Variants in MYO1C observed in about 807,000 individuals in gnomAD.
MYO1C encodes unconventional myosin-Ic.
MYO1C carries 104 observed loss-of-function variants against 150.8 expected under a neutral mutation model. That is an observed-to-expected ratio of 0.69 (90% CI 0.59 to 0.81). The LOEUF (loss-of-function observed/expected upper bound fraction) is 0.81. MYO1C is among the 30% of genes least tolerant of loss of function. The pLI, the probability that MYO1C is intolerant of heterozygous loss-of-function variation, is 0.00. For missense variants in MYO1C, 1,504 were observed against 1,435.0 expected (o/e 1.05, Z -0.78); for synonymous variants, 663 against 579.9 (o/e 1.14, Z -2.06).
At chr17:1,486,499 C>T (rs1417655854) in intron 1 of MYO1C, among the ~76,000 whole-genome samples, 3 of 149,944 alleles carry the variant, frequency 2.0e-5, no homozygotes, top group Non-Finnish European at 4.4e-5. Flanking sequence ...GCCCGGACCT[C>T]CTCCCTCCCT....
rs533955734 is a variant in MYO1C at position 1,485,807 on chromosome 17, C to G, written c.76-1504G>C. 1,791 of 672,606 alleles carry G rather than the reference C, an allele frequency of 2.7e-3. 102 individuals are homozygous for G. In the Admixed American group the frequency reaches 0.093, roughly 35 times the overall value. The allele number at this position is 672,606 out of a possible 1,614,324, so 41.7% of individuals were successfully genotyped here. A position where few individuals can be genotyped will look rare whatever the true frequency, so the allele number is the denominator to read the frequency against. Reference sequence around the variant, plus strand: ...GGCGTCAGCGAGGGAGGGCCCGCCCCCCGCACCGCCCCCACCCGGGCCCCT... The same window carrying G: ...GGCGTCAGCGAGGGAGGGCCCGCCCGCCGCACCGCCCCCACCCGGGCCCCT... On this transcript the variant is annotated intron_variant, in intron 1 of 31. Transcript: ENST00000648651.
At chr17:1,481,985 T>C (rs11078461) in intron 5 of MYO1C, among the ~76,000 whole-genome samples, 63,287 of 151,930 alleles carry the variant, frequency 0.42, 13,417 homozygotes, top group Middle Eastern at 0.46. Context: ...TTGTCCTGGC[T>C]GTTCCGTTCC....
At chr17:1,470,569 C>G in intron 22 of MYO1C, 50 bp from the exon 23 acceptor site, 2 of 1,566,740 alleles carry the variant, frequency 1.3e-6, no homozygotes, top group East Asian at 2.3e-5. Flanking sequence ...ACCATGGTGG[C>G]CCCCCCTGGC....
chr17:1,469,248 C>T (rs563931734), intron 25 of MYO1C: 6 of 466,002 alleles, frequency 1.3e-5, no homozygotes, highest in African/African-American at 7.9e-5. Flanking sequence ...ATACTATAGA[C>T]GGGGTAAATA....
At chr17:1,477,217 C>A (rs1462795365) in intron 14 of MYO1C, 6 of 292,324 alleles carry the variant, frequency 2.1e-5, no homozygotes, top group African/African-American at 4.6e-5. Flanking sequence ...TCGCTCTTGT[C>A]ACCCAGGCTG....
At position 1,484,255 on chromosome 17, in the gene MYO1C, C is replaced by T. The variant is rs1256892376; in HGVS notation, c.124G>A (p.Ala42Thr). 11 of 1,612,258 alleles carry T rather than the reference C, an allele frequency of 6.8e-6. No individual in the cohort carries two copies. Among genetic ancestry groups the T allele is most frequent in the Admixed American group, 1.7e-5 (1 of 60,004 alleles). The change falls in exon 2 of 32, where the codon GCC becomes ACC. Residue 42 changes from alanine (A) to threonine (T), a missense_variant. By Grantham distance (58) the Ala-to-Thr change is moderately conservative. Transcript: ENST00000648651. ...VRVTMESALT[A>T]RDRVGVQDFV... is the part of the protein sequence containing the mutation. ...TCCTGCACCCCCACCCGGTCACGGG[C>T]GGTGAGCGCACTCTCCATGGTCACC...
At position 1,469,353 on chromosome 17, in the gene MYO1C, G is replaced by T. The variant is rs1413482237; in HGVS notation, c.2610+178C>A. ...TAAATACGGTAGGCGGGGTAAATAC[G>T]GTAGACTGGGGTAAATAGAGTAGAC... is the stretch of plus-strand genomic sequence containing the variant. On this transcript the variant is annotated intron_variant, in intron 25 of 31. Transcript: ENST00000648651. 1.4e-5 allele frequency: 9 copies of T among 652,314 alleles called. No individual in the cohort carries two copies. In the South Asian group the frequency reaches 1.5e-4, roughly 11 times the overall value. 40.4% of individuals were successfully genotyped at this position (652,314 alleles called of 1,614,324 possible).
intron 1 of MYO1C, chr17:1,485,152 C>CTGGAGGG: frequency 8.3e-7 from 1 of 1,202,528 alleles, no homozygotes. Flanking sequence ...CTGGGTCCTA[C>CTGGAGGG]TGGAGGGTGG....
At chr17:1,481,033 C>G in intron 5 of MYO1C, 148 bp from the exon 6 acceptor site, 1 of 760,290 alleles carries the variant, frequency 1.3e-6, no homozygotes, top group South Asian at 1.7e-5. Context: ...CTCAGGCACG[C>G]CACCCACGCT....
intron 14 of MYO1C, 78 bp from the exon 15 acceptor site, chr17:1,475,110 G>C: frequency 7.0e-7 from 1 of 1,430,524 alleles, no homozygotes; most frequent in Non-Finnish European, 9.6e-7. Flanking sequence ...GGCCTCAGGA[G>C]CAGGAACCAG....
rs774045912 is a variant in MYO1C, at chr17:1,482,583, G to A, written c.547-25C>T. ...CCTAGGAGTGGACAGGGGTATGAGG[G>A]ACACCTGGCACTCTCCCCCTGCCCT... On this transcript the variant is annotated intron_variant, in intron 4 of 31. Coordinates refer to ENST00000648651, the MANE Select transcript of MYO1C (RefSeq NM_001080779.2). 5.0e-6 allele frequency: 8 copies of A among 1,598,228 alleles called. No homozygotes were observed. The African/African-American group carries it at 8.1e-5, about 16-fold the overall frequency.
chr17:1,477,242 G>T, intron 14 of MYO1C: 4 of 433,258 alleles, frequency 9.2e-6, no homozygotes, highest in Non-Finnish European at 1.7e-5. Context: ...GCAGTGGGTT[G>T]ATCCTAGCTC....
intron 23 of MYO1C, 48 bp downstream of exon 23, chr17:1,470,387 C>A (rs375426886): frequency 1.3e-6 from 2 of 1,542,166 alleles, no homozygotes; most frequent in South Asian, 1.2e-5. Context: ...CGGTGAACCA[C>A]CCCCCACGCC....
At chr17:1,489,044 G>C (rs943884486) in intron 1 of MYO1C, among the ~76,000 whole-genome samples, 1 of 152,206 alleles carries the variant, frequency 6.6e-6, no homozygotes, top group African/African-American at 2.4e-5. Flanking sequence ...GGGGCTGGGA[G>C]GAGGTGTCAT....
intron 2 of MYO1C, 144 bp from the exon 3 acceptor site, chr17:1,483,869 T>C (rs1309863166): frequency 5.5e-6 from 4 of 731,612 alleles, no homozygotes; most frequent in Non-Finnish European, 9.2e-6. Flanking sequence ...CATGGAGAAA[T>C]CCGTCTCTAC....
Position 1,472,786 on chromosome 17 carries a change from G to A in MYO1C, c.1798-558C>T, listed in dbSNP as rs531304609. On this transcript the variant is annotated intron_variant, in intron 17 of 31. Transcript: ENST00000648651. ...CGTCTTCTGGAAATGACGCTCTGCT[G>A]AGCTTTAAAGGATAAGGAGGAGGGG... Among the ~76,000 whole-genome samples the A allele has an allele frequency of 4.3e-4, 65 of 149,848 alleles. 1 individual carries two copies. Among genetic ancestry groups the A allele is most frequent in the African/African-American group, 1.6e-3 (64 of 39,222 alleles).
At chr17:1,470,868 G>C in intron 21 of MYO1C, 179 bp from the exon 22 acceptor site, 1 of 899,998 alleles carries the variant, frequency 1.1e-6, no homozygotes, top group Admixed American at 2.0e-5. Flanking sequence ...GCGGCGGGTG[G>C]GATGGTGGGC....
Position 1,478,790 on chromosome 17 carries a change from C to T in MYO1C, c.1093-55G>A. 1 of 1,607,554 alleles carries T rather than the reference C, an allele frequency of 6.2e-7. No homozygotes were observed. Among genetic ancestry groups the T allele is most frequent in the Non-Finnish European group, 8.5e-7 (1 of 1,179,812 alleles). On this transcript the variant is annotated intron_variant, in intron 9 of 31. Coordinates refer to ENST00000648651, the MANE Select transcript of MYO1C (RefSeq NM_001080779.2). The surrounding 1 kb of genome is among the most constrained non-coding windows in gnomAD (Gnocchi z 6.3). ...AATGCCACAGAGCCTGTGCATCCCACCTGCTCCCAGGCTCAGGCAGACCAG... is the reference window on the plus strand; with the variant it reads ...AATGCCACAGAGCCTGTGCATCCCATCTGCTCCCAGGCTCAGGCAGACCAG...
intron 14 of MYO1C, 136 bp from the exon 15 acceptor site, chr17:1,475,168 C>G: frequency 1.2e-6 from 1 of 845,150 alleles, no homozygotes; most frequent in South Asian, 1.4e-5. Context: ...CGGCTGTAAT[C>G]CCAGCAGTTG....
Sources: gnomAD v4.1 joint callset for allele counts (sites outside exome capture counted in the v4.1 genomes callset) on GRCh38, gnomAD v4.1.1 for gene constraint, Gnocchi (gnomAD v3.1) non-coding constraint, MANE v1.5 for transcripts, NCBI Gene and HGNC (gene_info 2026-07-23, HGNC 2026-07-21) for gene names.